The following OTULINL variants were observed in gnomAD, a reference collection of about 807,000 sequenced individuals.
The protein encoded by OTULINL is OTU deubiquitinase with linear linkage specificity like.
A neutral mutation model predicts 43.9 loss-of-function variants in OTULINL; 42 were observed. The ratio of observed to expected loss-of-function variants is 0.96; its 90% CI spans 0.75 to 1.24. OTULINL has a LOEUF of 1.24. Among genes scored for constraint, OTULINL ranks in the 50% most tolerant of loss-of-function variants. The pLI is 0.00. For missense variants in OTULINL, 411 were observed against 426.4 expected (o/e 0.96, Z 0.32); for synonymous variants, 172 against 153.6 (o/e 1.12, Z -0.88).
At chr5:14,592,978 C>T (rs867175328) in intron 1 of OTULINL, among the ~76,000 whole-genome samples, 3 of 152,200 alleles carry the variant, frequency 2.0e-5, no homozygotes, top group South Asian at 2.1e-4. Flanking sequence ...CTCAGATTCC[C>T]TTCTTACAGT....
In OTULINL at chr5:14,606,196, G is replaced by C. The variant is rs1445017384; in HGVS notation, c.499-1134G>C. Among the ~76,000 whole-genome samples, 2 of 152,144 alleles carry C rather than the reference G, an allele frequency of 1.3e-5. 1 individual carries two copies. The highest frequency in any genetic ancestry group is 2.9e-5 in the Non-Finnish European group (2 of 68,040). The stretch of plus-strand genomic sequence containing the variant: ...GCAAGTCACATTTTATGTGGTTGGT[G>C]GCAGGCAAAAAGAGAGAGCCTGTGC... On this transcript the variant is annotated intron_variant, in intron 5 of 7. Coordinates refer to ENST00000274217, the MANE Select transcript of OTULINL (RefSeq NM_019018.3).
rs1759599630 is a variant in OTULINL, at chr5:14,612,561, A to AG, written c.*2249dup. 3 of 152,188 alleles carry AG rather than the reference A, an allele frequency of 2.0e-5. No individual in the cohort carries two copies. The highest frequency in any genetic ancestry group is 7.2e-5 in the African/African-American group (3 of 41,466). The allele number at this position is 152,188 out of a possible 1,614,324, so 9.4% of individuals were successfully genotyped here. A position where few individuals can be genotyped will look rare whatever the true frequency, so the allele number is the denominator to read the frequency against. ...AAGATGTCAAAACAGGTTTTTAGGGAGGAGGTATGAGGTGTTGTGTTGTTT... is the reference window on the plus strand; with the variant it reads ...AAGATGTCAAAACAGGTTTTTAGGGAGGGAGGTATGAGGTGTTGTGTTGTTT... On this transcript the variant is annotated 3_prime_UTR_variant, in exon 8 of 8. Coordinates refer to ENST00000274217, the MANE Select transcript of OTULINL (RefSeq NM_019018.3).
At chr5:14,604,504 A>G (rs541275968) in intron 5 of OTULINL, among the ~76,000 whole-genome samples, 14 of 152,276 alleles carry the variant, frequency 9.2e-5, no homozygotes, top group African/African-American at 3.4e-4. Context: ...TTAACTCAAA[A>G]GTTCACAGTA....
chr5:14,601,093 C>T lies in OTULINL; in HGVS notation c.193C>T (p.Leu65=), dbSNP rs763187685. 1.2e-5 allele frequency: 19 copies of T among 1,612,908 alleles called. No homozygotes were observed. The highest frequency in any genetic ancestry group is 3.3e-5 in the Admixed American group (2 of 59,740). The change falls in exon 2 of 8, where the codon CTA becomes TTA. Residue 65 remains leucine, a synonymous_variant. Transcript: ENST00000274217. ...GGCTGCCATCTGCTACTTCCGGAGG[C>T]TACATTTATATTCAGGGCACAAGCT... The part of the protein sequence containing the change: ...LVAAICYFRR[L]HLYSGHKLKW...
intron 7 of OTULINL, 111 bp downstream of exon 7, chr5:14,609,128 G>C: frequency 9.3e-7 from 1 of 1,080,024 alleles, no homozygotes. Flanking sequence ...ATTGCACAGA[G>C]GTGGTTGATT....
At chr5:14,597,532 C>T (rs559027590) in intron 1 of OTULINL, among the ~76,000 whole-genome samples, 1 of 152,216 alleles carries the variant, frequency 6.6e-6, no homozygotes, top group Admixed American at 6.5e-5. Flanking sequence ...CTGTAGAACA[C>T]TTAACATAGG....
chr5:14,581,996 G>T, intron 1 of OTULINL, 38 bp downstream of exon 1: 1 of 1,229,366 alleles, frequency 8.1e-7, no homozygotes, highest in South Asian at 3.1e-5. Flanking sequence ...CGGGGGGCGC[G>T]AGCAGGGACC....
chr5:14,586,579 AC>A (rs1759104334), intron 1 of OTULINL, among the ~76,000 whole-genome samples: 1 of 152,252 alleles, frequency 6.6e-6, no homozygotes, highest in Non-Finnish European at 1.5e-5. Flanking sequence ...TAACCATGTT[AC>A]TATGACATCA....
At chr5:14,582,133 G>C (rs903999143) in intron 1 of OTULINL, among the ~76,000 whole-genome samples, 175 bp downstream of exon 1, 1 of 152,130 alleles carries the variant, frequency 6.6e-6, no homozygotes, top group African/African-American at 2.4e-5. Flanking sequence ...GGGCGGGAGT[G>C]GGGCGGGGCT....
chr5:14,614,305 G>A lies in OTULINL; in HGVS notation c.*3991G>A, dbSNP rs1207982396. On this transcript the variant is annotated 3_prime_UTR_variant, in exon 8 of 8. Transcript: ENST00000274217. The stretch of plus-strand genomic sequence containing the variant: ...TTAATTAACTTATTGACTATATATG[G>A]GTATACTTTTCTCTATAGCCATTCA... 1.3e-5 allele frequency among the ~76,000 whole-genome samples: 2 copies of A among 151,856 alleles called. No individual in the cohort carries two copies. The highest frequency in any genetic ancestry group is 2.4e-5 in the African/African-American group (1 of 41,310).
intron 5 of OTULINL, among the ~76,000 whole-genome samples, chr5:14,606,967 A>G (rs934114778): frequency 6.6e-6 from 1 of 152,100 alleles, no homozygotes; most frequent in Non-Finnish European, 1.5e-5. Flanking sequence ...TGTGGCTCAC[A>G]CCTGTAATTC....
chr5:14,604,408 T>TG (rs1406505201), intron 5 of OTULINL, among the ~76,000 whole-genome samples: 1 of 152,164 alleles, frequency 6.6e-6, no homozygotes, highest in Non-Finnish European at 1.5e-5. Context: ...ATTCCACCCC[T>TG]GGCCCCTCCC....
intron 1 of OTULINL, among the ~76,000 whole-genome samples, chr5:14,588,314 C>G (rs746501187): frequency 6.6e-5 from 10 of 152,068 alleles, no homozygotes; most frequent in Non-Finnish European, 1.3e-4. Context: ...TATGTTTGCT[C>G]ACAGGGGAGG....
chr5:14,584,628 C>A (rs146555631), intron 1 of OTULINL, among the ~76,000 whole-genome samples: 1 of 152,104 alleles, frequency 6.6e-6, no homozygotes, highest in Non-Finnish European at 1.5e-5. Flanking sequence ...TGAGTAAGCA[C>A]TCAAATGTTA....
chr5:14,606,581 T>C (rs1759481917), intron 5 of OTULINL, among the ~76,000 whole-genome samples: 1 of 152,198 alleles, frequency 6.6e-6, no homozygotes, highest in Non-Finnish European at 1.5e-5. Flanking sequence ...ATTGGTATGT[T>C]ACAATGGAGG....
chr5:14,589,728 A>G (rs1759166180), intron 1 of OTULINL, among the ~76,000 whole-genome samples: 1 of 152,128 alleles, frequency 6.6e-6, no homozygotes, highest in African/African-American at 2.4e-5. Context: ...AGGTGGGTGG[A>G]TCACTTGAAG....
In OTULINL at chr5:14,597,190, T is replaced by G. The variant is rs16903568; in HGVS notation, c.65-3775T>G. ...ATAATTCGTGTTTATTGGGTACTTA[T>G]GGTGTGTGTCAGGTATGGTGCCAGG... is the stretch of plus-strand genomic sequence containing the variant. On this transcript the variant is annotated intron_variant, in intron 1 of 7. Transcript: ENST00000274217. Among the ~76,000 whole-genome samples the G allele has an allele frequency of 2.0e-5, 3 of 152,316 alleles. No individual in the cohort carries two copies. In the East Asian group the frequency reaches 5.8e-4, roughly 29 times the overall value.
rs1759216702 is a variant in OTULINL, at chr5:14,592,193, T to C, written c.65-8772T>C. Reference sequence around the variant, plus strand: ...CACACCCAGGACATTGTGTTTGACCTGGGGTCTCACATTAAGTGTGGAATG... The same window carrying C: ...CACACCCAGGACATTGTGTTTGACCCGGGGTCTCACATTAAGTGTGGAATG... On this transcript the variant is annotated intron_variant, in intron 1 of 7. Coordinates refer to ENST00000274217, the MANE Select transcript of OTULINL (RefSeq NM_019018.3). Among the ~76,000 whole-genome samples the C allele has an allele frequency of 2.0e-5, 3 of 152,274 alleles. No homozygotes were observed. In the South Asian group the frequency reaches 6.2e-4, roughly 32 times the overall value.
chr5:14,601,443 G>T lies in OTULINL; in HGVS notation c.348+1G>T. On this transcript the variant is annotated splice_donor_variant, in intron 4 of 7. Coordinates refer to ENST00000274217, the MANE Select transcript of OTULINL (RefSeq NM_019018.3). LOFTEE classifies it high-confidence loss of function. ...ACCCCGTAACAAGCTGATGAGGAAG[G>T]TGTGTCTGTTTTTAGAGGGTATGGG... 6.2e-7 allele frequency: 1 copy of T among 1,612,970 alleles called. No individual in the cohort carries two copies. Among genetic ancestry groups the T allele is most frequent in the Non-Finnish European group, 8.5e-7 (1 of 1,179,190 alleles).
Sources: gnomAD v4.1 joint callset for allele counts (sites outside exome capture counted in the v4.1 genomes callset) on GRCh38, gnomAD v4.1.1 for gene constraint, MANE v1.5 for transcripts, NCBI Gene and HGNC (gene_info 2026-07-23, HGNC 2026-07-21) for gene names.